Variants in AGBL1 observed in about 807,000 individuals in gnomAD.
AGBL1 encodes cytosolic carboxypeptidase 4.
A neutral mutation model predicts 118.9 loss-of-function variants in AGBL1; 130 were observed. The ratio of observed to expected loss-of-function variants is 1.09; its 90% CI spans 0.95 to 1.26. AGBL1 has a LOEUF of 1.26. Among genes scored for constraint, AGBL1 ranks in the 50% most tolerant of loss-of-function variants. The pLI is 0.00. For missense variants in AGBL1, 1,584 were observed against 1,298.1 expected, an observed-to-expected ratio of 1.22 and a Z score of -3.38; for synonymous variants, 555 against 478.9, an observed-to-expected ratio of 1.16 and a Z score of -2.08.
intron 5 of AGBL1, among the ~76,000 whole-genome samples, chr15:86,179,988 C>T (rs2077530711): frequency 6.6e-6 from 1 of 151,796 alleles, no homozygotes; most frequent in South Asian, 2.1e-4. Flanking sequence ...ATAAATCTGC[C>T]AAAAGATGTA....
rs947409851 is a variant in AGBL1, at chr15:86,909,493, G to T, written c.*2199G>T. The T allele has an allele frequency of 1.3e-5, 2 of 152,188 alleles. No individual in the cohort carries two copies. The highest frequency in any genetic ancestry group is 4.8e-5 in the African/African-American group (2 of 41,440). The allele number at this position is 152,188 out of a possible 1,614,324, so 9.4% of individuals were successfully genotyped here. ...TTGGGAGTTGATAACATTATTAATA[G>T]TCTCTTATTTTTTTAACTCTTTTCC... is the stretch of plus-strand genomic sequence containing the variant. On this transcript the variant is annotated 3_prime_UTR_variant, in exon 23 of 23. Transcript: ENST00000614907.
chr15:86,754,544 A>T (rs565977420), intron 22 of AGBL1, among the ~76,000 whole-genome samples: 3 of 152,086 alleles, frequency 2.0e-5, no homozygotes, highest in African/African-American at 7.2e-5. Flanking sequence ...TCTGTCCATG[A>T]GTCCAAAGGG....
At chr15:86,111,054 C>G (rs965512652) in intron 1 of AGBL1, among the ~76,000 whole-genome samples, 22 of 152,212 alleles carry the variant, frequency 1.4e-4, no homozygotes, top group African/African-American at 5.3e-4. Flanking sequence ...ATGACTTACC[C>G]AGGCATTTCT....
chr15:86,251,976 G>C (rs780848883), intron 7 of AGBL1, among the ~76,000 whole-genome samples: 11 of 152,178 alleles, frequency 7.2e-5, no homozygotes, highest in Non-Finnish European at 1.2e-4. Flanking sequence ...GGCCTGAAAG[G>C]TTGCTAAAAT....
At chr15:86,924,441 TGTTA>T (rs1305882362) in intron 23 of AGBL1, among the ~76,000 whole-genome samples, 1 of 152,194 alleles carries the variant, frequency 6.6e-6, no homozygotes, top group Non-Finnish European at 1.5e-5. Context: ...AGTACAGCCG[TGTTA>T]GTTGTAATAT....
chr15:86,140,792 A>C (rs1244514528), intron 1 of AGBL1, among the ~76,000 whole-genome samples: 1 of 152,172 alleles, frequency 6.6e-6, no homozygotes, highest in Non-Finnish European at 1.5e-5. Flanking sequence ...TTACAGAGGC[A>C]TGAAATGGCA....
At chr15:86,497,103 C>G (rs140512885) in intron 18 of AGBL1, among the ~76,000 whole-genome samples, 1 of 152,104 alleles carries the variant, frequency 6.6e-6, no homozygotes, top group South Asian at 2.1e-4. Flanking sequence ...CCATCAAACA[C>G]TCTTTCTCAT....
At position 86,402,414 on chromosome 15, in the gene AGBL1, G is replaced by A. The variant is rs2081462484; in HGVS notation, c.2555+4868G>A. Among the ~76,000 whole-genome samples the A allele has an allele frequency of 7.9e-5, 12 of 152,148 alleles. No homozygotes were observed. The South Asian group carries it at 2.5e-3, about 32-fold the overall frequency. On this transcript the variant is annotated intron_variant, in intron 18 of 22. Transcript: ENST00000614907. ...TATCACTGGCAAACAGTGACAGTTT[G>A]ACTTCCTATTTACAGATTTGGATGC...
intron 17 of AGBL1, among the ~76,000 whole-genome samples, chr15:86,298,276 TATA>T (rs1489410632): frequency 2.7e-5 from 3 of 111,792 alleles, no homozygotes; most frequent in Non-Finnish European, 3.5e-5. Context: ...TATATATATA[TATA>T]TGGTAACTAT....
At chr15:86,977,586 C>G (rs1171870211) in intron 23 of AGBL1, among the ~76,000 whole-genome samples, 1 of 151,720 alleles carries the variant, frequency 6.6e-6, no homozygotes, top group African/African-American at 2.4e-5. Flanking sequence ...CTAAGCATTA[C>G]ATTTCTGTTA....
At chr15:86,369,545 G>A (rs1293185902) in intron 17 of AGBL1, among the ~76,000 whole-genome samples, 1 of 152,072 alleles carries the variant, frequency 6.6e-6, no homozygotes, top group Non-Finnish European at 1.5e-5. Flanking sequence ...AAAATCAGTT[G>A]GTTAAAATGA....
At chr15:86,939,203 G>A (rs951169247) in intron 23 of AGBL1, 1 of 152,380 alleles carries the variant, frequency 6.6e-6, no homozygotes. Flanking sequence ...TGAGTCAATG[G>A]ACTGGGAGAG....
intron 22 of AGBL1, among the ~76,000 whole-genome samples, chr15:86,803,542 C>T (rs143433707): frequency 1.1e-3 from 169 of 152,196 alleles, no homozygotes; most frequent in African/African-American, 3.7e-3. Context: ...GTTTCAGAAA[C>T]GGTAAGAGTC....
intron 21 of AGBL1, among the ~76,000 whole-genome samples, chr15:86,604,635 T>C (rs1026672112): frequency 1.3e-5 from 2 of 152,204 alleles, no homozygotes; most frequent in African/African-American, 2.4e-5. Context: ...GGTTGACATA[T>C]ACCAACCTCA....
At chr15:86,303,789 A>G (rs1030903815) in intron 17 of AGBL1, among the ~76,000 whole-genome samples, 4 of 152,308 alleles carry the variant, frequency 2.6e-5, no homozygotes, top group African/African-American at 7.2e-5. Context: ...TTCATGTGAT[A>G]TAATGATTTG....
At position 86,680,565 on chromosome 15, in the gene AGBL1, CTTT is replaced by C. The variant is rs34873609; in HGVS notation, c.3158+6147_3158+6149del. On this transcript the variant is annotated intron_variant, in intron 22 of 22. Transcript: ENST00000614907. Reference sequence around the variant, plus strand: ...TCTTTTTTCTTTCTTTCTTTCTTTTCTTTTTTTTTTTTTTTTTTTTGAGATGGG... The same window carrying C: ...TCTTTTTTCTTTCTTTCTTTCTTTTCTTTTTTTTTTTTTTTTTGAGATGGG... 3.3e-4 allele frequency among the ~76,000 whole-genome samples: 31 copies of C among 94,704 alleles called. No individual in the cohort carries two copies. The East Asian group carries it at 7.8e-3, about 24-fold the overall frequency. The allele number at this position is 94,704 out of a possible 152,430, so 62.1% of individuals were successfully genotyped here. A position where few individuals can be genotyped will look rare whatever the true frequency, so the allele number is the denominator to read the frequency against.
chr15:86,928,355 C>T lies in AGBL1; in HGVS notation c.3222-59632C>T, dbSNP rs1034365011. Among the ~76,000 whole-genome samples the T allele has an allele frequency of 7.2e-5, 11 of 152,226 alleles. No individual in the cohort carries two copies. The South Asian group carries it at 1.0e-3, about 14-fold the overall frequency. On this transcript the variant is annotated intron_variant, in intron 23 of 24. Transcript: ENST00000441037. ...TCACGGTGGAAGGGACCAGGGAGGA[C>T]CTGGCCTAAGAGAGGCCCTGTCTGC...
intron 21 of AGBL1, among the ~76,000 whole-genome samples, chr15:86,590,354 G>C (rs914709259): frequency 1.3e-5 from 2 of 152,118 alleles, no homozygotes; most frequent in African/African-American, 4.8e-5. Context: ...GTTTTCATGA[G>C]AGTGAGTTCT....
chr15:86,176,242 C>A (rs574067216), intron 5 of AGBL1, among the ~76,000 whole-genome samples: 1 of 152,254 alleles, frequency 6.6e-6, no homozygotes, highest in Admixed American at 6.5e-5. Context: ...CACATAAGCA[C>A]CCAAACTGGC....
Sources: gnomAD v4.1 joint callset for allele counts (sites outside exome capture counted in the v4.1 genomes callset) on GRCh38, gnomAD v4.1.1 for gene constraint, MANE v1.5 for transcripts, NCBI Gene and HGNC (gene_info 2026-07-23, HGNC 2026-07-21) for gene names.